SEL1L2: variants seen among roughly 807,000 people sequenced by gnomAD.
SEL1L2 encodes protein sel-1 homolog 2.
SEL1L2 carries 89 observed loss-of-function variants against 98.8 expected under a neutral mutation model. The ratio of observed to expected loss-of-function variants is 0.90; its 90% confidence interval spans 0.76 to 1.07. The LOEUF is 1.07. SEL1L2 is among the 50% of genes least tolerant of loss of function. The pLI is 0.00. For missense variants in SEL1L2, 788 were observed against 812.0 expected (o/e 0.97, Z 0.36); for synonymous variants, 262 against 278.5 (o/e 0.94, Z 0.59).
chr20:13,943,749 A>G (rs2049886631), intron 2 of SEL1L2, among the ~76,000 whole-genome samples: 3 of 152,348 alleles, frequency 2.0e-5, no homozygotes, highest in South Asian at 4.1e-4. Context: ...ACATGATTAC[A>G]TGCAACAAGA....
At chr20:13,928,637 CA>C (rs754096323) in intron 3 of SEL1L2, among the ~76,000 whole-genome samples, 1 of 152,118 alleles carries the variant, frequency 6.6e-6, no homozygotes, top group Non-Finnish European at 1.5e-5. Flanking sequence ...ACTTCTCTAA[CA>C]AGAACATGGG....
intron 5 of SEL1L2, among the ~76,000 whole-genome samples, chr20:13,898,293 G>C (rs1020344282): frequency 6.6e-6 from 1 of 152,160 alleles, no homozygotes; most frequent in Non-Finnish European, 1.5e-5. Context: ...CCCCACTGGA[G>C]ATGGGAGGCT....
intron 1 of SEL1L2, among the ~76,000 whole-genome samples, chr20:13,957,249 C>T (rs1047196164): frequency 3.3e-5 from 5 of 151,980 alleles, no homozygotes; most frequent in African/African-American, 1.2e-4. Context: ...TACAGACATG[C>T]ACCACTGCCC....
intron 3 of SEL1L2, among the ~76,000 whole-genome samples, chr20:13,922,462 T>G (rs932824530): frequency 6.6e-6 from 1 of 152,218 alleles, no homozygotes; most frequent in Admixed American, 6.5e-5. Flanking sequence ...TAGGATTGTA[T>G]CTTCCTGACA....
At chr20:13,934,803 T>G (rs1218171394) in intron 2 of SEL1L2, among the ~76,000 whole-genome samples, 3 of 151,850 alleles carry the variant, frequency 2.0e-5, no homozygotes, top group Admixed American at 1.3e-4. Flanking sequence ...ATTATGGCCA[T>G]TCTTGTAGGA....
At chr20:13,868,258 G>C (rs1393287319) in intron 14 of SEL1L2, among the ~76,000 whole-genome samples, 7 of 151,890 alleles carry the variant, frequency 4.6e-5, no homozygotes, top group African/African-American at 1.7e-4. Context: ...CAGTCTTTGA[G>C]GGTAAGCAAT....
intron 18 of SEL1L2, among the ~76,000 whole-genome samples, chr20:13,855,814 G>C (rs1989067506): frequency 6.6e-6 from 1 of 152,248 alleles, no homozygotes; most frequent in African/African-American, 2.4e-5. Context: ...CCACGCCCTT[G>C]CGAGAGCTAG....
chr20:13,967,451 A>C (rs2051102082), intron 1 of SEL1L2, among the ~76,000 whole-genome samples: 2 of 152,172 alleles, frequency 1.3e-5, no homozygotes, highest in Admixed American at 1.3e-4. Flanking sequence ...AAATATTTAA[A>C]AGGCACAGAT....
intron 3 of SEL1L2, among the ~76,000 whole-genome samples, chr20:13,925,049 C>T (rs919143913): frequency 6.6e-6 from 1 of 151,968 alleles, no homozygotes; most frequent in Non-Finnish European, 1.5e-5. Context: ...TGAGGTAGGA[C>T]AATTGCTTAA....
At chr20:13,918,950 T>C (rs2048528427) in intron 4 of SEL1L2, 71 bp downstream of exon 4, 8 of 1,018,472 alleles carry the variant, frequency 7.9e-6, no homozygotes, top group Non-Finnish European at 1.2e-5. Context: ...AATGATAAAC[T>C]ACATTTGGGA....
chr20:13,888,356 C>G (rs1425199533), intron 6 of SEL1L2, 103 bp downstream of exon 6: 1 of 771,812 alleles, frequency 1.3e-6, no homozygotes, highest in Non-Finnish European at 2.1e-6. Context: ...GTGTTTTCAA[C>G]TACTACACTA....
chr20:13,863,549 G>C (rs549792314), intron 17 of SEL1L2, among the ~76,000 whole-genome samples: 1 of 152,244 alleles, frequency 6.6e-6, no homozygotes, highest in Admixed American at 6.5e-5. Context: ...TTCATTATTA[G>C]ATTCCCTAGT....
intron 15 of SEL1L2, among the ~76,000 whole-genome samples, chr20:13,866,361 G>A (rs992804419): frequency 2.6e-5 from 4 of 152,134 alleles, no homozygotes; most frequent in Admixed American, 6.6e-5. Flanking sequence ...TAGCCTTTTG[G>A]TTCCCAAGTA....
At chr20:13,935,325 A>C (rs562752553) in intron 2 of SEL1L2, among the ~76,000 whole-genome samples, 28 of 152,298 alleles carry the variant, frequency 1.8e-4, no homozygotes, top group South Asian at 1.0e-3. Context: ...AACCAACCAA[A>C]CAAACAAAGT....
chr20:13,890,399 A>G (rs2047154985), intron 5 of SEL1L2, among the ~76,000 whole-genome samples: 1 of 152,186 alleles, frequency 6.6e-6, no homozygotes, highest in African/African-American at 2.4e-5. Context: ...TGGAAGAAAA[A>G]AAAAAACTGG....
intron 17 of SEL1L2, among the ~76,000 whole-genome samples, chr20:13,863,738 G>C (rs184451024): frequency 6.6e-6 from 1 of 152,130 alleles, no homozygotes; most frequent in East Asian, 1.9e-4. Context: ...TTGGGAAGCC[G>C]AGGCAGGCAG....
chr20:13,871,011 A>C (rs1293924491), intron 12 of SEL1L2, among the ~76,000 whole-genome samples: 2 of 151,918 alleles, frequency 1.3e-5, no homozygotes, highest in Non-Finnish European at 2.9e-5. Flanking sequence ...TAGACTAGGA[A>C]TTGAAGGAGA....
chr20:13,975,424 G>A (rs2051488868), intron 1 of SEL1L2, among the ~76,000 whole-genome samples: 1 of 152,172 alleles, frequency 6.6e-6, no homozygotes, highest in Admixed American at 6.6e-5. Context: ...AAAATACGCA[G>A]CACAGTCCTT....
intron 4 of SEL1L2, among the ~76,000 whole-genome samples, chr20:13,915,600 T>A (rs1264786112): frequency 6.6e-6 from 1 of 152,088 alleles, no homozygotes; most frequent in Non-Finnish European, 1.5e-5. Context: ...AGCTCCAGCA[T>A]TTTATACACA....
Sources: gnomAD v4.1 joint callset for allele counts (sites outside exome capture counted in the v4.1 genomes callset) on GRCh38, gnomAD v4.1.1 for gene constraint, MANE v1.5 for transcripts, NCBI Gene and HGNC (gene_info 2026-07-23, HGNC 2026-07-21) for gene names.